XRN2: variants seen among roughly 807,000 people sequenced by gnomAD.
XRN2 encodes the protein DHM1-like protein.
A neutral mutation model predicts 138.5 loss-of-function variants in XRN2; 44 were observed. The observed-to-expected ratio is 0.32, with a 90% CI of 0.25 to 0.41. XRN2 has a LOEUF of 0.41. Ranked by LOEUF, XRN2 falls within the 10% of genes least tolerant of loss-of-function variation. XRN2 has a pLI of 1.00. For missense variants in XRN2, 937 were observed against 1,169.3 expected (o/e 0.80, Z 2.90); for synonymous variants, 354 against 369.4 (o/e 0.96, Z 0.48).
At position 21,326,367 on chromosome 20, in the gene XRN2, T is replaced by C; in HGVS notation, c.164T>C (p.Met55Thr). 1.2e-6 allele frequency: 2 copies of C among 1,613,930 alleles called. No homozygotes were observed. The highest frequency in any genetic ancestry group is 1.7e-6 in the Non-Finnish European group (2 of 1,179,898). ...GAGTTTGATAATCTGTATTTGGATA[T>C]GAATGGAATCATCCATCCCTGTACT... ...DVEFDNLYLD[M>T]NGIIHPCTHP... The change falls in exon 2 of 30, where the codon ATG (methionine) becomes ACG (threonine). Residue 55 changes from methionine to threonine, a missense_variant. This residue lies in a region of XRN2 where 51 missense variants were observed against 93.5 expected (regional missense o/e 0.55). Transcript: ENST00000377191.
At chr20:21,320,848 A>C (rs761396366) in intron 1 of XRN2, among the ~76,000 whole-genome samples, 7 of 152,052 alleles carry the variant, frequency 4.6e-5, no homozygotes, top group Non-Finnish European at 8.8e-5. Flanking sequence ...TCCAGGAATT[A>C]GTTTCTGACG....
intron 13 of XRN2, among the ~76,000 whole-genome samples, chr20:21,336,879 A>AG (rs1212283690): frequency 6.6e-6 from 1 of 152,230 alleles, no homozygotes; most frequent in Non-Finnish European, 1.5e-5. Flanking sequence ...AAAGGATGTG[A>AG]GGGAGCACAC....
At chr20:21,373,219 A>C (rs1266294310) in intron 27 of XRN2, among the ~76,000 whole-genome samples, 1 of 152,190 alleles carries the variant, frequency 6.6e-6, no homozygotes, top group East Asian at 1.9e-4. Flanking sequence ...CATGTTGGCC[A>C]GGCTGGTCTC....
At chr20:21,340,150 C>G (rs1331599288) in intron 14 of XRN2, among the ~76,000 whole-genome samples, 1 of 152,014 alleles carries the variant, frequency 6.6e-6, no homozygotes, top group Non-Finnish European at 1.5e-5. Context: ...CAAAAATTAG[C>G]CGGGTGTGGT....
In XRN2 at chr20:21,330,495, C is replaced by G. The variant is rs1411744507; in HGVS notation, c.442C>G (p.Pro148Ala). The part of the protein sequence containing the change: ...EILAKGGFLP[P>A]EEIKERFDSN... ...CTTTTCTCTAGGTGGCTTTCTTCCT[C>G]CAGAAGAAATAAAAGAAAGATTTGA... The change falls in exon 5 of 30, where the codon CCA (proline) becomes GCA (alanine). Residue 148 changes from proline to alanine, a missense_variant. By Grantham distance (27) the Pro-to-Ala change is conservative (BLOSUM62 -1). Transcript: ENST00000377191. 1 of 1,613,432 alleles carries G rather than the reference C, an allele frequency of 6.2e-7. No homozygotes were observed. The highest frequency in any genetic ancestry group is 2.2e-5 in the East Asian group (1 of 44,844).
intron 1 of XRN2, among the ~76,000 whole-genome samples, chr20:21,314,552 T>C (rs2037931165): frequency 6.6e-6 from 1 of 152,170 alleles, no homozygotes; most frequent in African/African-American, 2.4e-5. Context: ...AATGGCATGA[T>C]CATAGCTCAC....
chr20:21,337,673 G>A (rs903814865), intron 13 of XRN2, among the ~76,000 whole-genome samples: 1 of 152,188 alleles, frequency 6.6e-6, no homozygotes, highest in Non-Finnish European at 1.5e-5. Context: ...GGAACGATAA[G>A]CTTGTGGGAG....
chr20:21,369,016 C>T (rs1259533828), intron 27 of XRN2, among the ~76,000 whole-genome samples: 2 of 152,116 alleles, frequency 1.3e-5, no homozygotes, highest in Non-Finnish European at 2.9e-5. Flanking sequence ...TTGTTTCTAA[C>T]TATTTTTTCA....
At position 21,342,613 on chromosome 20, in the gene XRN2, A is replaced by G. The variant is rs533087295; in HGVS notation, c.1411-1477A>G. Reference sequence around the variant, plus strand: ...AATGTCACTCTCATAATTTAATACAAATGGATTAGTGTAGGGTTGAAAAAA... The same window carrying G: ...AATGTCACTCTCATAATTTAATACAGATGGATTAGTGTAGGGTTGAAAAAA... On this transcript the variant is annotated intron_variant, in intron 15 of 29. Transcript: ENST00000377191. 1.1e-4 allele frequency among the ~76,000 whole-genome samples: 17 copies of G among 152,316 alleles called. No homozygotes were observed. In the South Asian group the frequency reaches 1.9e-3, roughly 17 times the overall value.
At chr20:21,369,030 C>G (rs989401450) in intron 27 of XRN2, among the ~76,000 whole-genome samples, 1 of 151,986 alleles carries the variant, frequency 6.6e-6, no homozygotes, top group African/African-American at 2.4e-5. Context: ...TTTTTCATAG[C>G]CATTAACCAT....
chr20:21,348,406 A>T lies in XRN2; in HGVS notation c.1839A>T (p.Ser613=), dbSNP rs371436585. 36 of 1,614,026 alleles carry T rather than the reference A, an allele frequency of 2.2e-5. No individual in the cohort carries two copies. Among genetic ancestry groups the T allele is most frequent in the African/African-American group, 4.0e-5 (3 of 74,924 alleles). Residue 613 remains serine, a synonymous_variant, in exon 19 of 30, where the codon TCA becomes TCT. Coordinates refer to ENST00000377191, the MANE Select transcript of XRN2 (RefSeq NM_012255.5). ...PAASGNFLPP[S]WRKLMSDPDS... is the part of the protein sequence containing the mutation. ...CAAGTGGTAATTTTCTACCTCCATCATGGCGGAAGCTCATGAGTGATCCTG... is the reference window on the plus strand; with the variant it reads ...CAAGTGGTAATTTTCTACCTCCATCTTGGCGGAAGCTCATGAGTGATCCTG...
At chr20:21,333,005 C>T (rs1439793108) in intron 9 of XRN2, among the ~76,000 whole-genome samples, 2 of 152,066 alleles carry the variant, frequency 1.3e-5, no homozygotes, top group Non-Finnish European at 2.9e-5. Flanking sequence ...CCTCTTGAGT[C>T]ATATGCTTTT....
chr20:21,367,969 T>C (rs1315428867), intron 26 of XRN2, among the ~76,000 whole-genome samples: 1 of 152,200 alleles, frequency 6.6e-6, no homozygotes, highest in Non-Finnish European at 1.5e-5. Flanking sequence ...TAATCTATAC[T>C]ACTAGTACGA....
intron 1 of XRN2, among the ~76,000 whole-genome samples, chr20:21,311,906 A>C (rs1395987880): frequency 1.3e-5 from 2 of 151,980 alleles, no homozygotes; most frequent in Non-Finnish European, 2.9e-5. Flanking sequence ...TGAGGCACAA[A>C]ATCACTTGAT....
chr20:21,310,010 TCTTC>T (rs1384449991), intron 1 of XRN2, among the ~76,000 whole-genome samples: 1 of 152,224 alleles, frequency 6.6e-6, no homozygotes, highest in Non-Finnish European at 1.5e-5. Flanking sequence ...TTGTTTTTTC[TCTTC>T]CTTGTTTATT....
chr20:21,331,741 A>G, intron 7 of XRN2, 27 bp from the exon 8 acceptor site: 2 of 1,596,986 alleles, frequency 1.3e-6, no homozygotes, highest in African/African-American at 1.4e-5. Flanking sequence ...ATATATTAAT[A>G]TAAATACATG....
Position 21,354,818 on chromosome 20 carries a change from C to G in XRN2, c.1966C>G (p.Arg656Gly), listed in dbSNP as rs139260983. ...TGCTCTCTTGCCATTCGTGGATGAG[C>G]GAAGGCTACGAGCTGCCCTAGAAGA... The part of the protein sequence containing the change: ...GVALLPFVDE[R>G]RLRAALEEVY... The change falls in exon 21 of 30, where the codon CGA (arginine) becomes GGA (glycine). Residue 656 changes from arginine to glycine, a missense_variant. Around this residue, in one of 6 missense-constraint regions of XRN2, gnomAD observed 372 missense variants for 414.4 expected, o/e 0.90. Transcript: ENST00000377191. 1.9e-6 allele frequency: 3 copies of G among 1,613,928 alleles called. No homozygotes were observed. The highest frequency in any genetic ancestry group is 1.1e-5 in the South Asian group (1 of 91,038).
At chr20:21,363,955 G>A (rs1007722593) in intron 24 of XRN2, among the ~76,000 whole-genome samples, 3 of 151,446 alleles carry the variant, frequency 2.0e-5, no homozygotes, top group Non-Finnish European at 2.9e-5. Context: ...TTTTTGAGAC[G>A]GAGTCTCACT....
At chr20:21,317,783 T>G (rs1240609756) in intron 1 of XRN2, among the ~76,000 whole-genome samples, 1 of 152,226 alleles carries the variant, frequency 6.6e-6, no homozygotes, top group Non-Finnish European at 1.5e-5. Flanking sequence ...ATTTTTTTCC[T>G]GAATATTTTT....
Sources: gnomAD v4.1 joint callset for allele counts (sites outside exome capture counted in the v4.1 genomes callset) on GRCh38, gnomAD v4.1.1 for gene constraint, gnomAD v4.1.1 regional missense constraint, MANE v1.5 for transcripts, NCBI Gene and HGNC (gene_info 2026-07-23, HGNC 2026-07-21) for gene names.